PKP2: variants seen among roughly 807,000 people sequenced by gnomAD.
The protein encoded by PKP2 is plakophilin 2, also known as plakophilin-2.
Under a neutral mutation model 83.4 loss-of-function variants are expected in PKP2, and 73 were observed. That is an observed-to-expected ratio of 0.88 (90% CI 0.72 to 1.06). The LOEUF is 1.06. Ranked by LOEUF, PKP2 falls within the 50% of genes least tolerant of loss-of-function variation. The pLI is 0.00. For missense variants in PKP2, 966 were observed against 1,065.4 expected, an observed-to-expected ratio of 0.91 and a Z score of 1.30; for synonymous variants, 409 against 430.4, an observed-to-expected ratio of 0.95 and a Z score of 0.62.
chr12:32,850,625 C>T (rs1326902994), intron 5 of PKP2, 141 bp downstream of exon 5: 10 of 721,044 alleles, frequency 1.4e-5, no homozygotes, highest in Non-Finnish European at 7.4e-6. Context: ...CAGCAGGTAA[C>T]AATGTTCCTT....
intron 1 of PKP2, among the ~76,000 whole-genome samples, chr12:32,883,685 A>C (rs1957005304): frequency 6.6e-6 from 1 of 152,200 alleles, no homozygotes; most frequent in African/African-American, 2.4e-5. Context: ...CCCTACATTG[A>C]AGAAATCCGT....
At chr12:32,869,152 T>A in intron 3 of PKP2, 90 bp from the exon 4 acceptor site, 1 of 1,430,338 alleles carries the variant, frequency 7.0e-7, no homozygotes, top group Non-Finnish European at 9.8e-7. Context: ...CAGCGAATAC[T>A]GGGAAGCACT....
At chr12:32,834,591 T>C (rs1352134931) in intron 6 of PKP2, among the ~76,000 whole-genome samples, 1 of 152,114 alleles carries the variant, frequency 6.6e-6, no homozygotes, top group Non-Finnish European at 1.5e-5. Context: ...CCCCTACCAT[T>C]CCTCATGGTC....
At chr12:32,821,080 T>C (rs1956370860) in intron 9 of PKP2, 1 of 416,818 alleles carries the variant, frequency 2.4e-6, no homozygotes, top group Non-Finnish European at 4.5e-6. Context: ...GAGTTTTCAG[T>C]GCCATAAGCC....
At chr12:32,868,897 G>C (rs548206363) in intron 4 of PKP2, 30 bp downstream of exon 4, 1 of 1,606,554 alleles carries the variant, frequency 6.2e-7, no homozygotes, top group African/African-American at 1.3e-5. Flanking sequence ...AGTGTGTTGC[G>C]CTTTGCAATG....
intron 6 of PKP2, among the ~76,000 whole-genome samples, chr12:32,828,860 T>C (rs1956469534): frequency 6.6e-6 from 1 of 152,170 alleles, no homozygotes. Flanking sequence ...CCGGGAACAA[T>C]AACGTCTGAG....
intron 4 of PKP2, chr12:32,863,076 G>C (rs1328125226): frequency 1.9e-5 from 3 of 155,084 alleles, no homozygotes; most frequent in African/African-American, 7.2e-5. Context: ...CTAGGAACGG[G>C]ACTTCTAAAT....
At chr12:32,867,726 T>C (rs1956861618) in intron 4 of PKP2, among the ~76,000 whole-genome samples, 1 of 152,344 alleles carries the variant, frequency 6.6e-6, no homozygotes, top group Admixed American at 6.5e-5. Context: ...TGTTTCTTCG[T>C]GTATAAAATA....
At chr12:32,840,878 A>T (rs931626473) in intron 6 of PKP2, 150 bp downstream of exon 6, 7 of 675,362 alleles carry the variant, frequency 1.0e-5, no homozygotes, top group Non-Finnish European at 1.8e-5. Flanking sequence ...ACTCTGTTTT[A>T]AAAAAGATAA....
chr12:32,825,251 C>T (rs1446104740), intron 6 of PKP2, among the ~76,000 whole-genome samples: 2 of 146,782 alleles, frequency 1.4e-5, no homozygotes, highest in African/African-American at 2.5e-5. Flanking sequence ...TCACTGTAAC[C>T]TCCACCTCCC....
At chr12:32,863,876 A>G (rs1438385119) in intron 4 of PKP2, among the ~76,000 whole-genome samples, 1 of 152,232 alleles carries the variant, frequency 6.6e-6, no homozygotes, top group Non-Finnish European at 1.5e-5. Context: ...AAAAGTACAG[A>G]TCATGTCTTT....
chr12:32,878,294 G>T lies in PKP2; in HGVS notation c.586C>A (p.Arg196Ser). 1 of 1,613,702 alleles carries T rather than the reference G, an allele frequency of 6.2e-7. No individual in the cohort carries two copies. Among genetic ancestry groups the T allele is most frequent in the South Asian group, 1.1e-5 (1 of 91,076 alleles). Residue 196 changes from arginine to serine, a missense_variant, in exon 3 of 13, where the codon CGT (arginine) becomes AGT (serine). Transcript: ENST00000340811. ...CGGCTGACCCCCACGATCTCGGAAC[G>T]AGCATATCTCGGTGGCACTAGGAGG... ...AALLVPPRYARSEIVGVSRAG... is the reference protein window; with the variant it reads ...AALLVPPRYASSEIVGVSRAG...
chr12:32,885,652 A>G (rs938500736), intron 1 of PKP2, among the ~76,000 whole-genome samples: 1 of 149,398 alleles, frequency 6.7e-6, no homozygotes, highest in Non-Finnish European at 1.5e-5. Context: ...CAACAGAGCA[A>G]GATTCCGTCC....
intron 10 of PKP2, 53 bp downstream of exon 10, chr12:32,802,350 G>A (rs1956188907): frequency 7.1e-6 from 11 of 1,538,754 alleles, no homozygotes; most frequent in Non-Finnish European, 9.0e-6. Context: ...ACATTTCATT[G>A]CATTGTATCT....
At chr12:32,863,383 G>A (rs1344331767) in intron 4 of PKP2, 1 of 270,872 alleles carries the variant, frequency 3.7e-6, no homozygotes. Context: ...CAATCTTCCT[G>A]CTAGAGCTAT....
In PKP2 at chr12:32,893,085, T is replaced by C. The variant is rs537923345; in HGVS notation, c.223+3424A>G. ...TAACACCAAAAGTCACTGAGTGATT[T>C]ACAATGAAAACCACCCAGCTATACT... On this transcript the variant is annotated intron_variant, in intron 1 of 12. Coordinates refer to ENST00000340811, the MANE Select transcript of PKP2 (RefSeq NM_001005242.3). Among the ~76,000 whole-genome samples the C allele has an allele frequency of 2.0e-5, 3 of 152,360 alleles. No homozygotes were observed. The East Asian group carries it at 5.8e-4, about 29-fold the overall frequency.
At chr12:32,799,457 T>G (rs376908194) in intron 10 of PKP2, among the ~76,000 whole-genome samples, 15 of 152,254 alleles carry the variant, frequency 9.9e-5, no homozygotes, top group Admixed American at 2.6e-4. Context: ...GGAAAAGAAG[T>G]CATTATATGA....
In PKP2 at chr12:32,878,980, C is replaced by G. The variant is rs1169662327; in HGVS notation, c.276G>C (p.Leu92Phe). The change falls in exon 2 of 13, where the codon TTG (leucine) becomes TTC (phenylalanine). Residue 92 changes from leucine to phenylalanine, a missense_variant. By Grantham distance (22) the Leu-to-Phe change is conservative (BLOSUM62 0). Coordinates refer to ENST00000340811, the MANE Select transcript of PKP2 (RefSeq NM_001005242.3). ...SVPEYVYNLH[L>F]VENDFVGGRS... ...GGCCTCCAACAAAATCATTTTCAAC[C>G]AAGTGTAGGTTGTAGACATACTCAG... 2 of 1,609,200 alleles carry G rather than the reference C, an allele frequency of 1.2e-6. No homozygotes were observed. Among genetic ancestry groups the G allele is most frequent in the Non-Finnish European group, 1.7e-6 (2 of 1,177,336 alleles).
intron 6 of PKP2, among the ~76,000 whole-genome samples, chr12:32,832,308 G>A (rs1256334567): frequency 6.6e-6 from 1 of 152,082 alleles, no homozygotes; most frequent in East Asian, 1.9e-4. Flanking sequence ...AACCTGGGAA[G>A]CGGAGGTTGC....
Sources: gnomAD v4.1 joint callset for allele counts (sites outside exome capture counted in the v4.1 genomes callset) on GRCh38, gnomAD v4.1.1 for gene constraint, MANE v1.5 for transcripts, NCBI Gene and HGNC (gene_info 2026-07-23, HGNC 2026-07-21) for gene names.